Variants in SPOCK1 observed in about 807,000 individuals in gnomAD.
SPOCK1 encodes the protein testican-1.
A neutral mutation model predicts 55.3 loss-of-function variants in SPOCK1; 23 were observed. That is an observed-to-expected ratio of 0.42 (90% CI 0.30 to 0.59). The LOEUF is 0.59. SPOCK1 is among the 20% of genes least tolerant of loss of function. The probability of loss-of-function intolerance (pLI) is 0.22; values close to 1 mark genes in which losing one functional copy is unlikely to be tolerated. For missense variants in SPOCK1, 499 were observed against 552.5 expected, an observed-to-expected ratio of 0.90 and a Z score of 0.97; for synonymous variants, 226 against 221.0, an observed-to-expected ratio of 1.02 and a Z score of -0.20.
intron 2 of SPOCK1, among the ~76,000 whole-genome samples, chr5:137,384,959 G>T (rs971868193): frequency 6.6e-6 from 1 of 152,022 alleles, no homozygotes; most frequent in Non-Finnish European, 1.5e-5. Flanking sequence ...CTGTAGGATG[G>T]GGGGGGCGGT....
chr5:137,254,483 G>T (rs1328902509), intron 3 of SPOCK1, among the ~76,000 whole-genome samples: 1 of 152,180 alleles, frequency 6.6e-6, no homozygotes, highest in African/African-American at 2.4e-5. Flanking sequence ...TAGTTGCTGA[G>T]AATTTTATAA....
At chr5:137,153,576 A>C (rs1180023463) in intron 3 of SPOCK1, among the ~76,000 whole-genome samples, 3 of 152,180 alleles carry the variant, frequency 2.0e-5, no homozygotes, top group Non-Finnish European at 2.9e-5. Context: ...GAAAGAGGCC[A>C]GGCACGGTGG....
chr5:137,373,785 C>A (rs1751252447), intron 2 of SPOCK1, among the ~76,000 whole-genome samples: 1 of 152,224 alleles, frequency 6.6e-6, no homozygotes. Context: ...CAGTTACCAG[C>A]AGGAGCTCAG....
intron 8 of SPOCK1, among the ~76,000 whole-genome samples, chr5:136,985,504 C>A (rs1750822416): frequency 6.6e-6 from 1 of 151,738 alleles, no homozygotes; most frequent in Non-Finnish European, 1.5e-5. Flanking sequence ...TGGACTTTTT[C>A]CTTTCTATCA....
rs747142799 is a variant in SPOCK1, at chr5:137,384,576, A to ATATATATATATATATATATG, written c.186+113796_186+113797insCATATATATATATATATATA. ...TATACATACATACATATATATATAT[A>ATATATATATATATATATATG]TATGTATGTATTTTTTTTTCCCCCT... On this transcript the variant is annotated intron_variant, in intron 2 of 10. Coordinates refer to ENST00000394945, the MANE Select transcript of SPOCK1 (RefSeq NM_004598.4). Among the ~76,000 whole-genome samples the ATATATATATATATATATATG allele has an allele frequency of 3.8e-3, 537 of 140,236 alleles. 10 individuals carry two copies. The highest frequency in any genetic ancestry group is 0.013 in the African/African-American group (483 of 35,990). The allele number at this position is 140,236 out of a possible 152,430, so 92.0% of individuals were successfully genotyped here. A position where few individuals can be genotyped will look rare whatever the true frequency, so the allele number is the denominator to read the frequency against.
At chr5:137,466,368 C>A (rs1753624259) in intron 2 of SPOCK1, among the ~76,000 whole-genome samples, 2 of 152,172 alleles carry the variant, frequency 1.3e-5, no homozygotes, top group African/African-American at 4.8e-5. Context: ...TATTTCAGCT[C>A]CTTAAAGAGA....
At chr5:137,295,939 T>C (rs1757470654) in intron 2 of SPOCK1, among the ~76,000 whole-genome samples, 1 of 152,138 alleles carries the variant, frequency 6.6e-6, no homozygotes, top group African/African-American at 2.4e-5. Flanking sequence ...AATGTTTGTG[T>C]CTCCCCCAGA....
At chr5:137,166,578 A>G (rs987367712) in intron 3 of SPOCK1, among the ~76,000 whole-genome samples, 2 of 152,132 alleles carry the variant, frequency 1.3e-5, no homozygotes, top group African/African-American at 2.4e-5. Flanking sequence ...TAGAAAGACT[A>G]AAAGGTTAAT....
intron 2 of SPOCK1, 136 bp downstream of exon 2, chr5:137,498,237 C>A: frequency 6.8e-6 from 6 of 887,492 alleles, no homozygotes; most frequent in Non-Finnish European, 9.1e-6. Context: ...CCAGCCCCCG[C>A]GGGAGATGCC....
chr5:137,390,678 T>A (rs1751700563), intron 2 of SPOCK1, among the ~76,000 whole-genome samples: 1 of 152,222 alleles, frequency 6.6e-6, no homozygotes, highest in Admixed American at 6.5e-5. Flanking sequence ...GGTTTCCCTC[T>A]GCACATTAAC....
At chr5:137,039,270 C>CTT (rs11479277) in intron 6 of SPOCK1, among the ~76,000 whole-genome samples, 14,908 of 88,202 alleles carry the variant, frequency 0.17, 3,413 homozygotes, top group Non-Finnish European at 0.24. Flanking sequence ...GCCTGCCACA[C>CTT]TTTTTTTTTT....
intron 2 of SPOCK1, among the ~76,000 whole-genome samples, chr5:137,480,428 T>C (rs1359461053): frequency 2.6e-5 from 4 of 152,034 alleles, no homozygotes; most frequent in Admixed American, 2.6e-4. Flanking sequence ...CTCTACCAAC[T>C]GTGATATACT....
rs796473117 is a variant in SPOCK1, at chr5:137,044,703, T to C, written c.589+23012A>G. 7.2e-5 allele frequency among the ~76,000 whole-genome samples: 11 copies of C among 151,902 alleles called. No homozygotes were observed. In the South Asian group the frequency reaches 2.1e-3, roughly 29 times the overall value. ...ACATGTGCACATTGTGCAGGTTAGTTACATATGTATACATGTGCCATGCTG... is the reference window on the plus strand; with the variant it reads ...ACATGTGCACATTGTGCAGGTTAGTCACATATGTATACATGTGCCATGCTG... On this transcript the variant is annotated intron_variant, in intron 6 of 10. Coordinates refer to ENST00000394945, the MANE Select transcript of SPOCK1 (RefSeq NM_004598.4).
At chr5:137,122,163 G>A (rs1934229309) in intron 4 of SPOCK1, among the ~76,000 whole-genome samples, 1 of 151,734 alleles carries the variant, frequency 6.6e-6, no homozygotes, top group South Asian at 2.1e-4. Context: ...CTGTGAGGCA[G>A]ACACCAGTGG....
intron 3 of SPOCK1, among the ~76,000 whole-genome samples, chr5:137,170,691 C>T (rs886092421): frequency 3.9e-5 from 6 of 152,024 alleles, no homozygotes; most frequent in East Asian, 1.9e-4. Flanking sequence ...CAGGAAGAGG[C>T]GCTCACCAGG....
chr5:137,360,984 C>G (rs888943286), intron 2 of SPOCK1, among the ~76,000 whole-genome samples: 1 of 152,132 alleles, frequency 6.6e-6, no homozygotes, highest in African/African-American at 2.4e-5. Flanking sequence ...AACCCTAGCC[C>G]CCAGTGTGAT....
intron 6 of SPOCK1, among the ~76,000 whole-genome samples, chr5:137,018,704 AT>A (rs913291133): frequency 5.9e-5 from 9 of 151,820 alleles, no homozygotes; most frequent in South Asian, 2.1e-4. Context: ...GCATATTAGG[AT>A]TTTTTTTGAG....
intron 2 of SPOCK1, among the ~76,000 whole-genome samples, chr5:137,354,820 AT>A (rs1365540543): frequency 7.9e-5 from 12 of 152,192 alleles, no homozygotes; most frequent in Non-Finnish European, 1.8e-4. Context: ...TATTGAGTGA[AT>A]ATTTCATTAA....
At chr5:137,091,173 T>A (rs113599834) in intron 5 of SPOCK1, among the ~76,000 whole-genome samples, 6,554 of 152,300 alleles carry the variant, frequency 0.043, 203 homozygotes, top group Non-Finnish European at 0.065. Context: ...GCTTTCAATC[T>A]GGGCAGCCAG....
Sources: gnomAD v4.1 joint callset for allele counts (sites outside exome capture counted in the v4.1 genomes callset) on GRCh38, gnomAD v4.1.1 for gene constraint, MANE v1.5 for transcripts, NCBI Gene and HGNC (gene_info 2026-07-23, HGNC 2026-07-21) for gene names.